Variants in KCNC2 observed in about 807,000 individuals in gnomAD.
KCNC2 encodes potassium voltage-gated channel subfamily C member 2.
KCNC2 carries 21 observed loss-of-function variants against 44.5 expected under a neutral mutation model. That is an observed-to-expected ratio of 0.47 (90% CI 0.33 to 0.68). KCNC2 has a LOEUF of 0.68. Among genes scored for constraint, KCNC2 ranks in the 30% least tolerant of loss-of-function variants. KCNC2 has a pLI of 0.01. For missense variants in KCNC2, 589 were observed against 826.2 expected (o/e 0.71, Z 3.52); for synonymous variants, 391 against 339.1 (o/e 1.15, Z -1.68).
At chr12:75,193,678 T>G (rs940727489) in intron 2 of KCNC2, among the ~76,000 whole-genome samples, 3 of 152,158 alleles carry the variant, frequency 2.0e-5, no homozygotes, top group African/African-American at 7.2e-5. Context: ...TAACCCCATA[T>G]TGATTGAAAT....
intron 2 of KCNC2, among the ~76,000 whole-genome samples, chr12:75,070,375 C>T (rs1197937401): frequency 6.7e-6 from 1 of 148,394 alleles, no homozygotes; most frequent in African/African-American, 2.6e-5. Context: ...CACTTGAACC[C>T]AGGAGGCCGA....
chr12:75,139,552 T>G (rs2137394861), intron 2 of KCNC2, among the ~76,000 whole-genome samples: 1 of 152,358 alleles, frequency 6.6e-6, no homozygotes, highest in African/African-American at 2.4e-5. Flanking sequence ...CAGTTCTAAC[T>G]GCTTTTCCAT....
At chr12:75,197,467 T>G (rs946103761) in intron 2 of KCNC2, among the ~76,000 whole-genome samples, 37 of 152,066 alleles carry the variant, frequency 2.4e-4, no homozygotes, top group African/African-American at 8.7e-4. Flanking sequence ...CTTTGTTTCC[T>G]CCTTAACCTG....
rs1419889587 is a variant in KCNC2 at position 75,070,233 on chromosome 12, T to C, written c.688-18916A>G. Among the ~76,000 whole-genome samples, 3 of 152,242 alleles carry C rather than the reference T, an allele frequency of 2.0e-5. No individual in the cohort carries two copies. In the East Asian group the frequency reaches 5.8e-4, roughly 29 times the overall value. On this transcript the variant is annotated intron_variant, in intron 2 of 4. Coordinates refer to ENST00000549446, the MANE Select transcript of KCNC2 (RefSeq NM_139137.4). ...GGGAAGCCGAGGCAGGCGGATTGCT[T>C]GAGGTCAGGAGTTCAAGACCAGTCT...
chr12:75,176,292 C>G (rs1213714887), intron 2 of KCNC2, among the ~76,000 whole-genome samples: 1 of 152,024 alleles, frequency 6.6e-6, no homozygotes, highest in Non-Finnish European at 1.5e-5. Context: ...GAAATGGGGA[C>G]TAGAGAGGCA....
chr12:75,195,134 A>G (rs971352718), intron 2 of KCNC2, among the ~76,000 whole-genome samples: 6 of 152,156 alleles, frequency 3.9e-5, no homozygotes, highest in African/African-American at 1.4e-4. Flanking sequence ...TTTCATAGAA[A>G]CTGTGCAAAA....
intron 2 of KCNC2, among the ~76,000 whole-genome samples, chr12:75,176,335 C>T (rs973864161): frequency 2.0e-5 from 3 of 152,016 alleles, no homozygotes; most frequent in Admixed American, 1.3e-4. Context: ...CAACGTCCTC[C>T]CTGGTGTGGG....
chr12:75,189,315 G>A (rs570885502), intron 2 of KCNC2, among the ~76,000 whole-genome samples: 2 of 152,094 alleles, frequency 1.3e-5, no homozygotes, highest in African/African-American at 4.8e-5. Context: ...TACAACCAGC[G>A]GTGTAACAGA....
chr12:75,154,902 A>C (rs559313484), intron 2 of KCNC2, among the ~76,000 whole-genome samples: 139 of 152,084 alleles, frequency 9.1e-4, no homozygotes, highest in African/African-American at 3.2e-3. Flanking sequence ...ACATTTTTGG[A>C]CATTTTGAAA....
At position 75,199,169 on chromosome 12, in the gene KCNC2, T is replaced by A. The variant is rs1384512469; in HGVS notation, c.687+8128A>T. Among the ~76,000 whole-genome samples, 4 of 151,914 alleles carry A rather than the reference T, an allele frequency of 2.6e-5. No individual in the cohort carries two copies. The East Asian group carries it at 7.7e-4, about 29-fold the overall frequency. On this transcript the variant is annotated intron_variant, in intron 2 of 4. Coordinates refer to ENST00000549446, the MANE Select transcript of KCNC2 (RefSeq NM_139137.4). Reference sequence around the variant, plus strand: ...GCTAAGACTAAATTACAGAAAAAACTGTCAAGAAAGACTATCTTGGCCTTT... The same window carrying A: ...GCTAAGACTAAATTACAGAAAAAACAGTCAAGAAAGACTATCTTGGCCTTT...
intron 2 of KCNC2, among the ~76,000 whole-genome samples, chr12:75,188,099 A>AG (rs1336041899): frequency 6.6e-6 from 1 of 152,218 alleles, no homozygotes; most frequent in Non-Finnish European, 1.5e-5. Flanking sequence ...ACCCTTTCTT[A>AG]GCCCTAGGAC....
intron 2 of KCNC2, among the ~76,000 whole-genome samples, chr12:75,194,428 C>G (rs2030579222): frequency 6.6e-6 from 1 of 152,114 alleles, no homozygotes; most frequent in African/African-American, 2.4e-5. Context: ...CTTTTAGAAC[C>G]AGTAGAAGAA....
At chr12:75,075,607 G>T (rs1883883153) in intron 2 of KCNC2, among the ~76,000 whole-genome samples, 1 of 151,870 alleles carries the variant, frequency 6.6e-6, no homozygotes, top group Admixed American at 6.6e-5. Context: ...TGTGGGGGTT[G>T]CGTAGAAGGC....
intron 2 of KCNC2, among the ~76,000 whole-genome samples, chr12:75,056,461 C>T (rs567857762): frequency 1.1e-3 from 164 of 151,974 alleles, no homozygotes; most frequent in African/African-American, 3.4e-3. Flanking sequence ...TATAATTTTA[C>T]ATAAGTTGCA....
At chr12:75,146,090 G>T (rs940942457) in intron 2 of KCNC2, among the ~76,000 whole-genome samples, 1 of 151,798 alleles carries the variant, frequency 6.6e-6, no homozygotes, top group Non-Finnish European at 1.5e-5. Context: ...TAGTAGCTGG[G>T]ACTACAGGTG....
At chr12:75,075,130 T>C (rs1883803416) in intron 2 of KCNC2, among the ~76,000 whole-genome samples, 2 of 152,154 alleles carry the variant, frequency 1.3e-5, no homozygotes, top group African/African-American at 2.4e-5. Flanking sequence ...GTGAACTTTA[T>C]CCTTAAAAAC....
chr12:75,149,564 A>G (rs567079898), intron 2 of KCNC2, among the ~76,000 whole-genome samples: 1 of 151,870 alleles, frequency 6.6e-6, no homozygotes, highest in Non-Finnish European at 1.5e-5. Flanking sequence ...CGGATGTGGT[A>G]TGTCTGTCCA....
intron 2 of KCNC2, among the ~76,000 whole-genome samples, chr12:75,164,714 T>G (rs1891333026): frequency 6.6e-6 from 1 of 151,716 alleles, no homozygotes; most frequent in Non-Finnish European, 1.5e-5. Flanking sequence ...ATTTCATTTC[T>G]CTTTCCAAAT....
intron 2 of KCNC2, among the ~76,000 whole-genome samples, chr12:75,176,588 T>A (rs1892200190): frequency 6.6e-6 from 1 of 152,034 alleles, no homozygotes; most frequent in South Asian, 2.1e-4. Context: ...GAAATTTTGT[T>A]GTGGTTCTTC....
Sources: gnomAD v4.1 joint callset for allele counts (sites outside exome capture counted in the v4.1 genomes callset) on GRCh38, gnomAD v4.1.1 for gene constraint, MANE v1.5 for transcripts, NCBI Gene and HGNC (gene_info 2026-07-23, HGNC 2026-07-21) for gene names.